EVA1A: variants seen among roughly 807,000 people sequenced by gnomAD.
EVA1A encodes the protein eva-1 homolog A, regulator of programmed cell death, also known as protein eva-1 homolog A.
In EVA1A, 7 loss-of-function variants were observed where a neutral mutation model predicts 9.8. The ratio of observed to expected loss-of-function variants is 0.71; its 90% confidence interval spans 0.41 to 1.34. EVA1A has a LOEUF of 1.34. EVA1A is among the 40% of genes most tolerant of loss of function. The pLI is 0.01. For missense variants in EVA1A, 206 were observed against 205.9 expected, an observed-to-expected ratio of 1.00 and a Z score of 0.00; for synonymous variants, 90 against 85.6, an observed-to-expected ratio of 1.05 and a Z score of -0.28.
chr2:75,508,391 G>T (rs1177759729), intron 3 of EVA1A, among the ~76,000 whole-genome samples: 4 of 152,086 alleles, frequency 2.6e-5, no homozygotes, highest in Admixed American at 2.0e-4. Context: ...TACATGCCTG[G>T]GGGTATGGGT....
chr2:75,541,544 A>G (rs1229812607), intron 1 of EVA1A, among the ~76,000 whole-genome samples: 3 of 152,162 alleles, frequency 2.0e-5, no homozygotes, highest in Non-Finnish European at 4.4e-5. Context: ...CTCAAGTCAG[A>G]TAAGTCTGGG....
At chr2:75,551,693 T>C (rs909015373) in intron 1 of EVA1A, among the ~76,000 whole-genome samples, 2 of 152,218 alleles carry the variant, frequency 1.3e-5, no homozygotes, top group African/African-American at 4.8e-5. Context: ...GTGCCTAGGT[T>C]TACTCAGCTG....
At chr2:75,557,934 A>C (rs1676776783) in intron 1 of EVA1A, among the ~76,000 whole-genome samples, 1 of 152,268 alleles carries the variant, frequency 6.6e-6, no homozygotes. Context: ...TCTCACATTA[A>C]CTGAGCACTT....
In EVA1A at chr2:75,528,158, C is replaced by T. The variant is rs142439650; in HGVS notation, c.-191-5671G>A. Reference sequence around the variant, plus strand: ...ATCTCACAGGGTTCCTAGGGGATGGCAGCCAGTGGAATTGGGGAAGGGCCA... The same window carrying T: ...ATCTCACAGGGTTCCTAGGGGATGGTAGCCAGTGGAATTGGGGAAGGGCCA... On this transcript the variant is annotated intron_variant, in intron 1 of 3. Coordinates refer to ENST00000393913, the MANE Select transcript of EVA1A (RefSeq NM_001135032.2). 9.1e-3 allele frequency among the ~76,000 whole-genome samples: 1,393 copies of T among 152,304 alleles called. 13 individuals are homozygous for T. Among genetic ancestry groups the T allele is most frequent in the Non-Finnish European group, 0.015 (1,050 of 68,010 alleles).
intron 1 of EVA1A, among the ~76,000 whole-genome samples, chr2:75,526,967 C>T (rs1021362524): frequency 2.6e-5 from 4 of 152,208 alleles, no homozygotes; most frequent in South Asian, 2.1e-4. Flanking sequence ...AAGGATAATG[C>T]ACACTAAGAA....
intron 1 of EVA1A, among the ~76,000 whole-genome samples, chr2:75,554,606 CT>C (rs1261861297): frequency 6.6e-6 from 1 of 152,232 alleles, no homozygotes; most frequent in Non-Finnish European, 1.5e-5. Context: ...GTTTGGTGCC[CT>C]GGACCTGATC....
chr2:75,518,470 C>A (rs1014019357), intron 2 of EVA1A, among the ~76,000 whole-genome samples: 2 of 152,126 alleles, frequency 1.3e-5, no homozygotes, highest in Non-Finnish European at 2.9e-5. Flanking sequence ...GAAAGACCAG[C>A]GAGCTCTCCC....
At chr2:75,549,962 C>T (rs1309971518) in intron 1 of EVA1A, among the ~76,000 whole-genome samples, 1 of 152,160 alleles carries the variant, frequency 6.6e-6, no homozygotes, top group African/African-American at 2.4e-5. Context: ...GAACATGAAC[C>T]AAGGCAAAGC....
intron 1 of EVA1A, among the ~76,000 whole-genome samples, chr2:75,567,743 T>C (rs1162265403): frequency 2.0e-5 from 3 of 152,248 alleles, no homozygotes; most frequent in African/African-American, 7.2e-5. Flanking sequence ...AATGTGTTCA[T>C]GTCCCCAGTG....
intron 3 of EVA1A, among the ~76,000 whole-genome samples, chr2:75,512,103 T>A (rs1572956123): frequency 6.6e-6 from 1 of 152,014 alleles, no homozygotes; most frequent in South Asian, 2.1e-4. Flanking sequence ...AAAAAAAAAC[T>A]TAAAGGAAAT....
At chr2:75,559,704 G>GGC (rs1467755147) in intron 1 of EVA1A, among the ~76,000 whole-genome samples, 5 of 134,794 alleles carry the variant, frequency 3.7e-5, no homozygotes, top group Middle Eastern at 3.4e-3. Context: ...AGGTGGGGGG[G>GGC]GGGCGGGGGA....
intron 1 of EVA1A, among the ~76,000 whole-genome samples, chr2:75,555,301 ATCTCTCTCTCTC>A (rs58092436): frequency 7.0e-5 from 4 of 57,154 alleles, no homozygotes; most frequent in South Asian, 1.4e-3. Flanking sequence ...TCAAAACTCA[ATCTCTCTCTCTC>A]TCTCTCTCTC....
At chr2:75,515,953 C>T (rs976207430) in intron 3 of EVA1A, among the ~76,000 whole-genome samples, 7 of 152,160 alleles carry the variant, frequency 4.6e-5, no homozygotes, top group African/African-American at 1.7e-4. Context: ...CTGGTTTACT[C>T]AGAAGCTACA....
At chr2:75,530,541 A>T (rs1189235667) in intron 1 of EVA1A, among the ~76,000 whole-genome samples, 1 of 152,216 alleles carries the variant, frequency 6.6e-6, no homozygotes, top group Non-Finnish European at 1.5e-5. Flanking sequence ...TATATCAAAA[A>T]AAATAGTCCA....
intron 1 of EVA1A, among the ~76,000 whole-genome samples, chr2:75,523,579 G>C (rs544340738): frequency 5.8e-4 from 88 of 152,302 alleles, no homozygotes; most frequent in African/African-American, 1.9e-3. Flanking sequence ...TAACATGCCA[G>C]CCTGCCAGCC....
chr2:75,547,456 G>A (rs1469525380), intron 1 of EVA1A, among the ~76,000 whole-genome samples: 1 of 152,182 alleles, frequency 6.6e-6, no homozygotes, highest in South Asian at 2.1e-4. Context: ...TAAGAATTAT[G>A]CTTAACAAGG....
chr2:75,561,850 C>A (rs754632186), upstream of EVA1A, among the ~76,000 whole-genome samples: 1 of 152,076 alleles, frequency 6.6e-6, no homozygotes, highest in Non-Finnish European at 1.5e-5. Context: ...CTCCTAGAAG[C>A]AGTGTGATGG....
intron 3 of EVA1A, among the ~76,000 whole-genome samples, chr2:75,505,289 G>A (rs1488975224): frequency 6.6e-6 from 1 of 152,188 alleles, no homozygotes; most frequent in Non-Finnish European, 1.5e-5. Context: ...TTATGTGGTT[G>A]CGCTATAATT....
At chr2:75,565,742 CA>C (rs1313097162), upstream of EVA1A, among the ~76,000 whole-genome samples, 2 of 152,120 alleles carry the variant, frequency 1.3e-5, no homozygotes, top group African/African-American at 4.8e-5. Context: ...TAATGAAAGA[CA>C]AAGGAAATTG....
Sources: allele counts gnomAD v4.1 joint callset (sites outside exome capture counted in the v4.1 genomes callset), GRCh38; gene constraint gnomAD v4.1.1; transcripts MANE v1.5; gene names NCBI Gene and HGNC (gene_info 2026-07-23, HGNC 2026-07-21).